ANO2: variants seen among roughly 807,000 people sequenced by gnomAD.
The protein encoded by ANO2 is anoctamin 2.
ANO2 carries 101 observed loss-of-function variants against 124.2 expected under a neutral mutation model. That is an observed-to-expected ratio of 0.81 (90% confidence interval 0.69 to 0.96). The LOEUF is 0.96. Among genes scored for constraint, ANO2 ranks in the 40% least tolerant of loss-of-function variants. ANO2 has a pLI of 0.00. For synonymous variants in ANO2, 486 were observed against 482.5 expected, an observed-to-expected ratio of 1.01 and a Z score of -0.09; for missense variants, 1,293 against 1,274.5, an observed-to-expected ratio of 1.01 and a Z score of -0.22.
At chr12:5,637,964 A>G (rs747901152) in intron 15 of ANO2, among the ~76,000 whole-genome samples, 1 of 152,132 alleles carries the variant, frequency 6.6e-6, no homozygotes, top group Non-Finnish European at 1.5e-5. Flanking sequence ...CAATTTGCTG[A>G]AGTCCACAAG....
chr12:5,566,627 T>C (rs1003631527), intron 23 of ANO2, among the ~76,000 whole-genome samples: 1 of 152,168 alleles, frequency 6.6e-6, no homozygotes, highest in African/African-American at 2.4e-5. Flanking sequence ...GGAAGGCAGG[T>C]AGGGACTCTG....
chr12:5,644,605 T>A (rs1300875280), intron 15 of ANO2, among the ~76,000 whole-genome samples: 3 of 152,222 alleles, frequency 2.0e-5, no homozygotes, highest in African/African-American at 7.2e-5. Flanking sequence ...AGAATTGGCA[T>A]TATTATTTTC....
intron 15 of ANO2, among the ~76,000 whole-genome samples, chr12:5,637,636 C>A (rs1946093685): frequency 6.6e-6 from 1 of 152,144 alleles, no homozygotes; most frequent in Non-Finnish European, 1.5e-5. Flanking sequence ...TGACCTGGAA[C>A]CTGCATTGTA....
chr12:5,823,624 C>G (rs1186716357), intron 7 of ANO2, among the ~76,000 whole-genome samples: 1 of 152,210 alleles, frequency 6.6e-6, no homozygotes, highest in Non-Finnish European at 1.5e-5. Flanking sequence ...TGAGTGTCTG[C>G]AGCTTTTCCA....
rs536792342 is a variant in ANO2, at chr12:5,896,566, T to C, written c.534+24474A>G. ...CAGAATGAAGATGAAAACAGTACCA[T>C]TGAAGATAATGGGTGCTTCATAGGA... On this transcript the variant is annotated intron_variant, in intron 3 of 24. Transcript: ENST00000682330. Among the ~76,000 whole-genome samples, 31 of 152,280 alleles carry C rather than the reference T, an allele frequency of 2.0e-4. No homozygotes were observed. The South Asian group carries it at 3.3e-3, about 16-fold the overall frequency.
At chr12:5,844,815 G>A (rs1474987083) in intron 4 of ANO2, among the ~76,000 whole-genome samples, 1 of 148,298 alleles carries the variant, frequency 6.7e-6, no homozygotes, top group Non-Finnish European at 1.5e-5. Context: ...AAAAAGGCCT[G>A]AAAAAAATTG....
chr12:5,742,997 TGATAATA>T (rs1225196902), intron 12 of ANO2, among the ~76,000 whole-genome samples: 1 of 152,200 alleles, frequency 6.6e-6, no homozygotes, highest in Non-Finnish European at 1.5e-5. Flanking sequence ...CTGCTCTCCC[TGATAATA>T]GAGAATAGAG....
intron 14 of ANO2, among the ~76,000 whole-genome samples, chr12:5,682,646 G>C (rs1480642764): frequency 6.6e-6 from 1 of 152,198 alleles, no homozygotes; most frequent in Non-Finnish European, 1.5e-5. Context: ...GGCATTGGAA[G>C]AGCCCTGTAT....
chr12:5,770,659 T>C lies in ANO2; in HGVS notation c.1056-19689A>G, dbSNP rs116949896. Reference sequence around the variant, plus strand: ...GTCCCTGCAAAGACCTCCCTGCTTCTACCCTTGCCCCATGCAATCTTTTCA... The same window carrying C: ...GTCCCTGCAAAGACCTCCCTGCTTCCACCCTTGCCCCATGCAATCTTTTCA... On this transcript the variant is annotated intron_variant, in intron 10 of 24. Coordinates refer to ENST00000682330, the MANE Select transcript of ANO2 (RefSeq NM_001364791.2). Among the ~76,000 whole-genome samples the C allele has an allele frequency of 1.4e-4, 22 of 152,316 alleles. No homozygotes were observed. The East Asian group carries it at 4.2e-3, about 29-fold the overall frequency.
At chr12:5,773,066 C>T (rs1002425651) in intron 10 of ANO2, among the ~76,000 whole-genome samples, 2 of 152,210 alleles carry the variant, frequency 1.3e-5, no homozygotes, top group Non-Finnish European at 2.9e-5. Flanking sequence ...GTTGATTTCC[C>T]CAGTTCCCTG....
At chr12:5,622,923 C>T (rs1176830436) in intron 16 of ANO2, among the ~76,000 whole-genome samples, 10 of 149,724 alleles carry the variant, frequency 6.7e-5, no homozygotes. Flanking sequence ...GAGATCGTGC[C>T]ACCGCACTCC....
rs1565706911 is a variant in ANO2, at chr12:5,832,496, C to G, written c.741G>C (p.Lys247Asn). The G allele has an allele frequency of 6.2e-7, 1 of 1,613,870 alleles. No homozygotes were observed. The highest frequency in any genetic ancestry group is 1.3e-5 in the African/African-American group (1 of 74,920). The change falls in exon 5 of 25, where the codon AAG (lysine) becomes AAC (asparagine). Residue 247 changes from lysine (K) to asparagine (N), a missense_variant. Physicochemically the swap from Lys to Asn is moderately conservative, Grantham distance 94 (BLOSUM62 0). Transcript: ENST00000682330. The stretch of plus-strand genomic sequence containing the variant: ...AGAATGGGTAGGAGAGGTTTTTCAT[C>G]TTGTTGTTGCTGTGTTCTGGAACTC... Reference protein sequence around the residue: ...QPRVPEHSNNKMKNLSYPFSR... With the variant: ...QPRVPEHSNNNMKNLSYPFSR...
At chr12:5,651,761 A>T (rs1946926177) in intron 14 of ANO2, among the ~76,000 whole-genome samples, 1 of 151,964 alleles carries the variant, frequency 6.6e-6, no homozygotes, top group African/African-American at 2.4e-5. Context: ...ACCTCCCCCA[A>T]TCCCCAGAAC....
intron 7 of ANO2, among the ~76,000 whole-genome samples, chr12:5,826,437 CATATATATATAT>C (rs10526567): frequency 1.8e-3 from 259 of 144,320 alleles, no homozygotes; most frequent in African/African-American, 6.5e-3. Flanking sequence ...TTAATAAACT[CATATATATATAT>C]ATATATATAT....
chr12:5,617,969 G>A (rs1437595932), intron 16 of ANO2, among the ~76,000 whole-genome samples: 1 of 152,214 alleles, frequency 6.6e-6, no homozygotes, highest in Non-Finnish European at 1.5e-5. Context: ...AGGAGGAAGT[G>A]GTTTATTTGA....
intron 23 of ANO2, among the ~76,000 whole-genome samples, chr12:5,573,782 T>C (rs565912866): frequency 6.6e-6 from 1 of 152,328 alleles, no homozygotes; most frequent in African/African-American, 2.4e-5. Context: ...TTGTGTCTGG[T>C]TCCTCATTTT....
intron 4 of ANO2, 57 bp from the exon 5 acceptor site, chr12:5,832,660 GGCTTC>G: frequency 6.6e-7 from 1 of 1,525,306 alleles, no homozygotes; most frequent in Admixed American, 2.1e-5. Flanking sequence ...AGAGAGGAAT[GGCTTC>G]ACAAAAAAAA....
chr12:5,762,637 CTT>C (rs890541580), intron 10 of ANO2, among the ~76,000 whole-genome samples: 42 of 151,616 alleles, frequency 2.8e-4, no homozygotes, highest in African/African-American at 8.9e-4. Context: ...ATAGATAAAA[CTT>C]AATGATGATA....
intron 1 of ANO2, among the ~76,000 whole-genome samples, chr12:5,923,247 T>TACACACACACACACACACAC (rs1941904487): frequency 2.3e-5 from 1 of 42,862 alleles, no homozygotes; most frequent in Non-Finnish European, 4.7e-5. Context: ...CACACACGCA[T>TACACACACACACACACACAC]ACACACACAT....
Sources: gnomAD v4.1 joint callset for allele counts (sites outside exome capture counted in the v4.1 genomes callset) on GRCh38, gnomAD v4.1.1 for gene constraint, MANE v1.5 for transcripts, NCBI Gene and HGNC (gene_info 2026-07-23, HGNC 2026-07-21) for gene names.